The following DNAH5 variants were observed in gnomAD, a reference collection of about 807,000 sequenced individuals.
DNAH5 encodes the protein dynein axonemal heavy chain 5.
Under a neutral mutation model 518.2 loss-of-function variants are expected in DNAH5, and 372 were observed. The observed-to-expected ratio is 0.72, with a 90% CI of 0.66 to 0.78. The LOEUF is 0.78. Ranked by LOEUF, DNAH5 falls within the 30% of genes least tolerant of loss-of-function variation. The probability of loss-of-function intolerance (pLI) is 0.00; values close to 1 mark genes in which losing one functional copy is unlikely to be tolerated. For synonymous variants in DNAH5, 2,039 were observed against 2,025.9 expected, an observed-to-expected ratio of 1.01 and a Z score of -0.17; for missense variants, 5,523 against 5,687.0, an observed-to-expected ratio of 0.97 and a Z score of 0.93.
chr5:14,000,674 A>C (rs1784290993), intron 1 of DNAH5, among the ~76,000 whole-genome samples: 3 of 152,090 alleles, frequency 2.0e-5, no homozygotes, highest in Admixed American at 2.0e-4. Context: ...TGCGGGGAAA[A>C]GGGAATGCTT....
chr5:13,711,824 A>C (rs1743516585), intron 75 of DNAH5, among the ~76,000 whole-genome samples: 1 of 152,216 alleles, frequency 6.6e-6, no homozygotes. Context: ...AAGAAGTCAA[A>C]AGACCTCTAC....
intron 15 of DNAH5, chr5:13,898,770 T>C (rs1197168725): frequency 2.5e-6 from 1 of 395,998 alleles, no homozygotes; most frequent in Non-Finnish European, 4.4e-6. Flanking sequence ...TCACGTGATG[T>C]TAACCACTAT....
At chr5:13,998,660 T>C (rs339964) in intron 1 of DNAH5, among the ~76,000 whole-genome samples, 2,079 of 152,300 alleles carry the variant, frequency 0.014, 46 homozygotes, top group African/African-American at 0.047. Context: ...TTCTAAACAT[T>C]ATCTTATGAG....
At chr5:13,778,363 C>T (rs937785406) in intron 53 of DNAH5, among the ~76,000 whole-genome samples, 8 of 149,872 alleles carry the variant, frequency 5.3e-5, no homozygotes, top group East Asian at 2.0e-4. Context: ...AAGTGAGATC[C>T]GAGAGATCAG....
At chr5:13,860,278 T>G (rs1768219435) in intron 29 of DNAH5, 1 of 152,530 alleles carries the variant, frequency 6.6e-6, no homozygotes, top group African/African-American at 2.4e-5. Context: ...CCCAGCTAAA[T>G]TACTGAATTT....
At chr5:13,693,360 C>T (rs1481060701) in intron 78 of DNAH5, among the ~76,000 whole-genome samples, 1 of 152,140 alleles carries the variant, frequency 6.6e-6, no homozygotes, top group Non-Finnish European at 1.5e-5. Context: ...ATTACAAAAG[C>T]AAGGCACTAT....
intron 75 of DNAH5, among the ~76,000 whole-genome samples, chr5:13,713,320 TA>T (rs1743801357): frequency 6.8e-6 from 1 of 145,990 alleles, no homozygotes; most frequent in African/African-American, 2.5e-5. Flanking sequence ...TATACCGACA[TA>T]TATATACCGA....
chr5:14,000,259 G>A (rs989261826), intron 1 of DNAH5, among the ~76,000 whole-genome samples: 13 of 152,200 alleles, frequency 8.5e-5, no homozygotes, highest in Non-Finnish European at 1.2e-4. Context: ...GGACACAGCC[G>A]TGTGACTGGA....
intron 75 of DNAH5, among the ~76,000 whole-genome samples, chr5:13,711,460 G>A (rs187664059): frequency 6.6e-6 from 1 of 152,296 alleles, no homozygotes; most frequent in Non-Finnish European, 1.5e-5. Flanking sequence ...ACCAGAACAA[G>A]ACAAGGATGC....
intron 47 of DNAH5, 26 bp from the exon 48 acceptor site, chr5:13,794,084 A>G: frequency 3.7e-6 from 6 of 1,614,004 alleles, no homozygotes; most frequent in Non-Finnish European, 5.1e-6. Context: ...CAACTGAAAC[A>G]TCTGTGAAAA....
chr5:13,925,248 A>C (rs1777749037), intron 3 of DNAH5, among the ~76,000 whole-genome samples: 1 of 152,214 alleles, frequency 6.6e-6, no homozygotes. Context: ...GCACCAACGC[A>C]TGATAGACAT....
chr5:13,726,150 T>C (rs1438710652), intron 70 of DNAH5, among the ~76,000 whole-genome samples: 1 of 152,222 alleles, frequency 6.6e-6, no homozygotes, highest in African/African-American at 2.4e-5. Context: ...CTAATATGCT[T>C]CCCAGAAAGT....
chr5:13,992,999 T>C (rs961176615), intron 1 of DNAH5, among the ~76,000 whole-genome samples: 1 of 152,200 alleles, frequency 6.6e-6, no homozygotes, highest in Admixed American at 6.5e-5. Context: ...GAAATCTATT[T>C]CTGTTATTCA....
rs1760199320 is a variant in DNAH5 at position 13,809,233 on chromosome 5, TCCGAA to T, written c.7610-52_7610-48del. On this transcript the variant is annotated intron_variant, in intron 45 of 78. Transcript: ENST00000265104. ...TCCATCTCCATATTAATAATTCAACTCCGAACTGTAATGAGCAGACATCCTTGAAA... is the reference window on the plus strand; with the variant it reads ...TCCATCTCCATATTAATAATTCAACTCTGTAATGAGCAGACATCCTTGAAA... The T allele has an allele frequency of 2.5e-6, 4 of 1,608,882 alleles. No homozygotes were observed. The African/African-American group carries it at 4.0e-5, about 16-fold the overall frequency.
rs755149967 is a variant in DNAH5 at position 13,737,331 on chromosome 5, G to A, written c.11376C>T (p.Ala3792=). The A allele has an allele frequency of 7.2e-5, 116 of 1,613,758 alleles. No individual in the cohort carries two copies. The highest frequency in any genetic ancestry group is 5.0e-5 in the Admixed American group (3 of 59,966). ...TTTCTAGCTTCTGTGTCACCTCCTC[G>A]GCTGTCCTTTTTGTGTTACTCAGCA... ...IVVLSNTKRT[A]EEVTQKLEIS... Residue 3792 remains alanine, a synonymous_variant, in exon 66 of 79, where the codon GCC becomes GCT. Coordinates refer to ENST00000265104, the MANE Select transcript of DNAH5 (RefSeq NM_001369.3).
At chr5:13,921,438 C>CTCTG (rs1325515793) in intron 5 of DNAH5, among the ~76,000 whole-genome samples, 2 of 140,810 alleles carry the variant, frequency 1.4e-5, no homozygotes, top group East Asian at 4.3e-4. Flanking sequence ...CTCTCTCTGT[C>CTCTG]TCTCTCTCTC....
chr5:13,893,693 T>C (rs914136958), intron 16 of DNAH5, among the ~76,000 whole-genome samples: 1 of 152,080 alleles, frequency 6.6e-6, no homozygotes, highest in East Asian at 1.9e-4. Flanking sequence ...GAAACTGTAC[T>C]AAACCATTAG....
Position 13,753,472 on chromosome 5 carries a change from C to T in DNAH5, c.10633G>A (p.Asp3545Asn). Residue 3545 changes from aspartate to asparagine, a missense_variant, in exon 63 of 79, where the codon GAC becomes AAC. Around this residue, in one of 3 missense-constraint regions of DNAH5, gnomAD observed 5,121 missense variants for 5,223.3 expected, o/e 0.98. Coordinates refer to ENST00000265104, the MANE Select transcript of DNAH5 (RefSeq NM_001369.3). ...CGGGCTTTCATTTCCTTCCGCCAGT[C>T]ATTTAACAGAAGATCACGAAACTCT... ...NQEFRDLLLN[D>N]WRKEMKARKI... is the part of the protein sequence containing the mutation. 4 of 1,614,062 alleles carry T rather than the reference C, an allele frequency of 2.5e-6. No individual in the cohort carries two copies. The highest frequency in any genetic ancestry group is 3.4e-6 in the Non-Finnish European group (4 of 1,179,958).
At chr5:13,949,858 G>A (rs541150646) in intron 1 of DNAH5, among the ~76,000 whole-genome samples, 1 of 152,268 alleles carries the variant, frequency 6.6e-6, no homozygotes, top group South Asian at 2.1e-4. Flanking sequence ...GCTTTAGGAC[G>A]TTACGCTTCT....
Sources: allele counts gnomAD v4.1 joint callset (sites outside exome capture counted in the v4.1 genomes callset), GRCh38; gene constraint gnomAD v4.1.1; regional missense constraint gnomAD v4.1.1; transcripts MANE v1.5; gene names NCBI Gene and HGNC (gene_info 2026-07-23, HGNC 2026-07-21).